SNTG1: variants seen among roughly 807,000 people sequenced by gnomAD.
SNTG1 encodes gamma-1-syntrophin.
Under a neutral mutation model 74.7 loss-of-function variants are expected in SNTG1, and 39 were observed. The ratio of observed to expected loss-of-function variants is 0.52; its 90% confidence interval spans 0.40 to 0.68. The LOEUF (loss-of-function observed/expected upper bound fraction) is 0.68, where lower values mean the gene tolerates loss of function less well. Ranked by LOEUF, SNTG1 falls within the 30% of genes least tolerant of loss-of-function variation. The pLI, the probability that SNTG1 is intolerant of heterozygous loss-of-function variation, is 0.00. For synonymous variants in SNTG1, 254 were observed against 217.1 expected, an observed-to-expected ratio of 1.17 and a Z score of -1.49; for missense variants, 685 against 609.5, an observed-to-expected ratio of 1.12 and a Z score of -1.30.
intron 2 of SNTG1, among the ~76,000 whole-genome samples, chr8:50,289,611 G>A (rs1232587015): frequency 6.6e-6 from 1 of 152,158 alleles, no homozygotes; most frequent in Non-Finnish European, 1.5e-5. Context: ...CACAAATGTA[G>A]AAGCTAGAAT....
intron 15 of SNTG1, among the ~76,000 whole-genome samples, chr8:50,699,889 C>T (rs1585576307): frequency 1.3e-5 from 2 of 152,204 alleles, no homozygotes; most frequent in South Asian, 4.1e-4. Context: ...GTATTAGATA[C>T]TAAGCAAAGA....
intron 2 of SNTG1, among the ~76,000 whole-genome samples, chr8:50,301,881 G>A (rs2089666571): frequency 6.7e-6 from 1 of 150,344 alleles, no homozygotes; most frequent in Non-Finnish European, 1.5e-5. Context: ...TTTTGAGACA[G>A]AGTCTCGCTC....
chr8:50,220,573 G>A (rs569189623), intron 2 of SNTG1, among the ~76,000 whole-genome samples: 6 of 152,258 alleles, frequency 3.9e-5, no homozygotes, highest in Admixed American at 2.6e-4. Flanking sequence ...GAGTGGAAAT[G>A]TATTGAAGTT....
At chr8:49,968,469 A>G (rs1811350874) in intron 1 of SNTG1, among the ~76,000 whole-genome samples, 1 of 151,964 alleles carries the variant, frequency 6.6e-6, no homozygotes. Flanking sequence ...TTAATTTTTC[A>G]GTTCCAAAAT....
chr8:50,583,498 T>C (rs1272943017), intron 12 of SNTG1, among the ~76,000 whole-genome samples: 2 of 152,084 alleles, frequency 1.3e-5, no homozygotes, highest in Non-Finnish European at 2.9e-5. Context: ...CAAAGCCCTC[T>C]GTCATAGACA....
At chr8:50,165,401 G>C (rs748942508) in intron 1 of SNTG1, among the ~76,000 whole-genome samples, 56 of 152,294 alleles carry the variant, frequency 3.7e-4, no homozygotes, top group South Asian at 1.0e-3. Context: ...ATTCAAGCAA[G>C]AATCAGGAAA....
intron 17 of SNTG1, among the ~76,000 whole-genome samples, chr8:50,721,504 T>G (rs908621971): frequency 2.0e-5 from 3 of 152,208 alleles, no homozygotes; most frequent in African/African-American, 7.2e-5. Context: ...ATGAATAAAT[T>G]GCTTTCCTGG....
intron 1 of SNTG1, among the ~76,000 whole-genome samples, chr8:50,152,699 G>C (rs1367221797): frequency 6.6e-6 from 1 of 152,176 alleles, no homozygotes; most frequent in Non-Finnish European, 1.5e-5. Context: ...ATTCTGGGTT[G>C]AAAATTATTT....
At chr8:50,003,071 A>T (rs1365301629) in intron 1 of SNTG1, among the ~76,000 whole-genome samples, 1 of 152,172 alleles carries the variant, frequency 6.6e-6, no homozygotes, top group Non-Finnish European at 1.5e-5. Context: ...CAGAATGTAG[A>T]TTAGTGGTTG....
intron 1 of SNTG1, among the ~76,000 whole-genome samples, chr8:49,973,146 A>C (rs1308742260): frequency 6.6e-6 from 1 of 152,240 alleles, no homozygotes; most frequent in Non-Finnish European, 1.5e-5. Flanking sequence ...TGGATTAAGA[A>C]AATGTGGCAC....
intron 2 of SNTG1, among the ~76,000 whole-genome samples, chr8:50,248,068 A>T (rs1183333510): frequency 6.6e-6 from 1 of 151,968 alleles, no homozygotes; most frequent in South Asian, 2.1e-4. Flanking sequence ...CTGTACCCAA[A>T]TTTCCCCTAT....
intron 1 of SNTG1, among the ~76,000 whole-genome samples, chr8:50,112,520 T>TC (rs1391005250): frequency 1.5e-5 from 2 of 131,204 alleles, no homozygotes; most frequent in East Asian, 2.2e-4. Flanking sequence ...TCTTTCTTTT[T>TC]TTTTTTTTTT....
intron 15 of SNTG1, 126 bp downstream of exon 15, chr8:50,658,789 G>A: frequency 3.3e-6 from 2 of 613,038 alleles, no homozygotes. Flanking sequence ...AAAGACAAAT[G>A]AAAGAGAAAG....
chr8:50,356,611 C>T (rs1477921678), intron 2 of SNTG1, among the ~76,000 whole-genome samples: 1 of 152,070 alleles, frequency 6.6e-6, no homozygotes, highest in African/African-American at 2.4e-5. Context: ...CTCTGTCCTC[C>T]CATGGCAGAA....
At chr8:50,607,710 C>T (rs1186946543) in intron 13 of SNTG1, among the ~76,000 whole-genome samples, 1 of 151,422 alleles carries the variant, frequency 6.6e-6, no homozygotes, top group Admixed American at 6.6e-5. Context: ...TACTGTTTTT[C>T]ATTCCAATAT....
chr8:49,976,301 G>A (rs1347151775), intron 1 of SNTG1, among the ~76,000 whole-genome samples: 1 of 152,188 alleles, frequency 6.6e-6, no homozygotes, highest in Non-Finnish European at 1.5e-5. Flanking sequence ...AATTATATTA[G>A]TTAAGTGCCT....
intron 12 of SNTG1, among the ~76,000 whole-genome samples, chr8:50,584,204 G>T (rs948816364): frequency 2.0e-5 from 3 of 152,050 alleles, no homozygotes; most frequent in Admixed American, 6.6e-5. Context: ...CCAAGTCTTT[G>T]CTCTTGTAAA....
At chr8:50,140,329 G>A (rs924235004) in intron 1 of SNTG1, among the ~76,000 whole-genome samples, 17 of 152,138 alleles carry the variant, frequency 1.1e-4, no homozygotes, top group Admixed American at 3.3e-4. Context: ...GTCTTCTTCT[G>A]AGCCTAATGA....
At chr8:50,536,575 C>A (rs2130398258) in intron 10 of SNTG1, 103 bp from the exon 11 acceptor site, 3 of 1,381,782 alleles carry the variant, frequency 2.2e-6, no homozygotes, top group South Asian at 1.5e-5. Context: ...GTCTTTTGAT[C>A]ATTTAGGGGA....
Sources: allele counts gnomAD v4.1 joint callset (sites outside exome capture counted in the v4.1 genomes callset), GRCh38; gene constraint gnomAD v4.1.1; transcripts MANE v1.5; gene names NCBI Gene and HGNC (gene_info 2026-07-23, HGNC 2026-07-21).